The following ARB2A variants were observed in gnomAD, a reference collection of about 807,000 sequenced individuals.
The protein encoded by ARB2A is cotranscriptional regulator ARB2A.
the ARB2A span, chr5:93,736,695 A>T: frequency 6.6e-6 from 1 of 152,196 alleles, no homozygotes; most frequent in African/African-American, 2.4e-5. Context: ...TGAAATAGTC[A>T]TAGGATTTCA....
At chr5:93,652,632 T>C in the ARB2A span, among the ~76,000 whole-genome samples, 5 of 152,350 alleles carry the variant, frequency 3.3e-5, no homozygotes, top group Admixed American at 6.5e-5. Flanking sequence ...GGTTGACTTA[T>C]TCAATAGTCA....
chr5:93,851,657 T>G, the ARB2A span, among the ~76,000 whole-genome samples: 1 of 152,124 alleles, frequency 6.6e-6, no homozygotes, highest in Non-Finnish European at 1.5e-5. Context: ...CCTGTGTCCA[T>G]GTGTTCTCAC....
chr5:93,917,859 C>A, the ARB2A span, among the ~76,000 whole-genome samples: 1 of 152,138 alleles, frequency 6.6e-6, no homozygotes, highest in African/African-American at 2.4e-5. Flanking sequence ...GCCTGAATAA[C>A]AGAGTCAAAC....
At chr5:93,741,627 C>T in the ARB2A span, 1 of 1,438,574 alleles carries the variant, frequency 7.0e-7, no homozygotes, top group South Asian at 1.5e-5. Flanking sequence ...TCAGAACAGC[C>T]ACCGGCCCCC....
At chr5:93,793,872 C>A in the ARB2A span, among the ~76,000 whole-genome samples, 421 of 152,268 alleles carry the variant, frequency 2.8e-3, 1 homozygote, top group African/African-American at 9.7e-3. Context: ...AGCTCAGAAC[C>A]CAAAATGGCC....
chr5:93,798,031 C>A, the ARB2A span, among the ~76,000 whole-genome samples: 2 of 151,938 alleles, frequency 1.3e-5, no homozygotes, highest in East Asian at 1.9e-4. Flanking sequence ...AAAAGGGACT[C>A]CTTGAGGGGA....
chr5:93,692,917 T>G, the ARB2A span, among the ~76,000 whole-genome samples: 1 of 152,112 alleles, frequency 6.6e-6, no homozygotes, highest in Non-Finnish European at 1.5e-5. Flanking sequence ...ACCGCACAAC[T>G]ACATGGAAAC....
the ARB2A span, among the ~76,000 whole-genome samples, chr5:93,922,087 C>G: frequency 6.6e-6 from 1 of 152,028 alleles, no homozygotes; most frequent in South Asian, 2.1e-4. Context: ...GAAGAGAACC[C>G]TGATGAAAGA....
chr5:93,925,146 C>A, the ARB2A span, among the ~76,000 whole-genome samples: 1 of 151,912 alleles, frequency 6.6e-6, no homozygotes. Context: ...AATGTAATGT[C>A]TTAATCTATT....
At chr5:93,959,011 T>C in the ARB2A span, 63 of 1,346,426 alleles carry the variant, frequency 4.7e-5, no homozygotes, top group African/African-American at 8.1e-4. Flanking sequence ...TGTCTTCTGA[T>C]CAGGCATACA....
chr5:93,843,121 G>C, the ARB2A span, among the ~76,000 whole-genome samples: 94 of 152,256 alleles, frequency 6.2e-4, no homozygotes, highest in Non-Finnish European at 5.1e-4. Flanking sequence ...AGTGTGCATG[G>C]GGGAAAGTTC....
the ARB2A span, among the ~76,000 whole-genome samples, chr5:93,831,029 A>G: frequency 6.6e-6 from 1 of 152,140 alleles, no homozygotes; most frequent in Non-Finnish European, 1.5e-5. Context: ...AATAGGGTTC[A>G]TGCTTTTATA....
the ARB2A span, among the ~76,000 whole-genome samples, chr5:93,774,768 A>G: frequency 6.6e-6 from 1 of 152,102 alleles, no homozygotes; most frequent in Admixed American, 6.5e-5. Flanking sequence ...GCTGCTGGCC[A>G]TGAGCTCAAT....
the ARB2A span, among the ~76,000 whole-genome samples, chr5:93,958,221 G>T: frequency 6.6e-6 from 1 of 152,024 alleles, no homozygotes; most frequent in Non-Finnish European, 1.5e-5. Context: ...TTGCCATTCT[G>T]TATGTCTATG....
At chr5:93,718,122 C>T in the ARB2A span, among the ~76,000 whole-genome samples, 5 of 152,002 alleles carry the variant, frequency 3.3e-5, no homozygotes, top group African/African-American at 4.8e-5. Flanking sequence ...AACCACCCCG[C>T]CTGGCCAATA....
At chr5:93,726,896 G>C in the ARB2A span, among the ~76,000 whole-genome samples, 1 of 151,968 alleles carries the variant, frequency 6.6e-6, no homozygotes, top group Non-Finnish European at 1.5e-5. Context: ...ATGCTAATAT[G>C]TGTTTAAGGG....
chr5:93,947,479 AG>A, the ARB2A span, among the ~76,000 whole-genome samples: 1 of 150,580 alleles, frequency 6.6e-6, no homozygotes, highest in South Asian at 2.1e-4. Flanking sequence ...GGTGAGGTGC[AG>A]TCACACAATC....
the ARB2A span, among the ~76,000 whole-genome samples, chr5:93,752,747 A>G: frequency 2.6e-5 from 4 of 152,202 alleles, no homozygotes; most frequent in Admixed American, 1.3e-4. Flanking sequence ...GTTATCTTAA[A>G]TGATTCTTTA....
At chr5:93,847,036 G>A in the ARB2A span, among the ~76,000 whole-genome samples, 6 of 152,252 alleles carry the variant, frequency 3.9e-5, no homozygotes, top group Middle Eastern at 6.8e-3. Context: ...TTAAGTTTAC[G>A]TAATATTTGT....
Sources: gnomAD v4.1 joint callset for allele counts (sites outside exome capture counted in the v4.1 genomes callset) on GRCh38, gnomAD v4.1.1 for gene constraint, MANE v1.5 for transcripts, NCBI Gene and HGNC (gene_info 2026-07-23, HGNC 2026-07-21) for gene names.